Variants in MAST4 observed in about 807,000 individuals in gnomAD.
The protein encoded by MAST4 is microtubule associated serine/threonine kinase family member 4.
In MAST4, 89 loss-of-function variants were observed where a neutral mutation model predicts 162.7. The ratio of observed to expected loss-of-function variants is 0.55; its 90% CI spans 0.46 to 0.65. The LOEUF (loss-of-function observed/expected upper bound fraction) is 0.65, where lower values mean the gene tolerates loss of function less well. Ranked by LOEUF, MAST4 falls within the 30% of genes least tolerant of loss-of-function variation. The pLI, the probability that MAST4 is intolerant of heterozygous loss-of-function variation, is 0.00. For synonymous variants in MAST4, 1,479 were observed against 1,361.1 expected, an observed-to-expected ratio of 1.09 and a Z score of -1.91; for missense variants, 3,153 against 3,374.0, an observed-to-expected ratio of 0.93 and a Z score of 1.62.
intron 1 of MAST4, among the ~76,000 whole-genome samples, chr5:66,624,888 T>C (rs1253147284): frequency 1.3e-5 from 2 of 152,198 alleles, no homozygotes; most frequent in Non-Finnish European, 2.9e-5. Flanking sequence ...AACATAAGAC[T>C]TGCAATTGTA....
At position 67,136,657 on chromosome 5, in the gene MAST4, G is replaced by A. The variant is rs781196155; in HGVS notation, c.2487G>A (p.Leu829=). 3 of 1,595,364 alleles carry A rather than the reference G, an allele frequency of 1.9e-6. No homozygotes were observed. Among genetic ancestry groups the A allele is most frequent in the Non-Finnish European group, 2.6e-6 (3 of 1,170,248 alleles). The change falls in exon 19 of 29, where the codon CTG becomes CTA. Residue 829 remains leucine (L), a synonymous_variant. Transcript: ENST00000403625. The part of the protein sequence containing the change: ...LLLRQNPLER[L]GTGGAYEVKQ... ...TCAGGCAGAATCCCCTGGAGAGGCT[G>A]GGAACAGGTTAGAGCCCATGTGTTT... is the stretch of plus-strand genomic sequence containing the variant.
intron 4 of MAST4, among the ~76,000 whole-genome samples, chr5:66,994,764 AAGG>A (rs2150292993): frequency 6.6e-6 from 1 of 152,352 alleles, no homozygotes; most frequent in East Asian, 1.9e-4. Flanking sequence ...GTTTTGGAGA[AAGG>A]AGGAAGTAAT....
At chr5:67,030,217 A>G (rs962505092) in intron 4 of MAST4, among the ~76,000 whole-genome samples, 5 of 152,194 alleles carry the variant, frequency 3.3e-5, no homozygotes, top group African/African-American at 1.2e-4. Context: ...TTCTCAGGGC[A>G]ATACAACATA....
intron 4 of MAST4, among the ~76,000 whole-genome samples, chr5:66,950,221 ACTTTTTTTTTC>A (rs1268305937): frequency 6.6e-6 from 1 of 151,540 alleles, no homozygotes; most frequent in African/African-American, 2.4e-5. Flanking sequence ...AAACTAGTAT[ACTTTTTTTTTC>A]TTTTTTTTTC....
At chr5:66,946,935 G>A (rs757835490) in intron 4 of MAST4, among the ~76,000 whole-genome samples, 57 of 151,926 alleles carry the variant, frequency 3.8e-4, no homozygotes, top group Admixed American at 3.5e-3. Flanking sequence ...CACTTTAGAC[G>A]TCCACTTTCT....
At chr5:66,846,231 C>G (rs757837722) in intron 3 of MAST4, among the ~76,000 whole-genome samples, 3 of 152,182 alleles carry the variant, frequency 2.0e-5, no homozygotes, top group Non-Finnish European at 4.4e-5. Flanking sequence ...GCCCAACTTA[C>G]AGTTATCATC....
chr5:66,608,929 C>G (rs1281100763), intron 1 of MAST4, among the ~76,000 whole-genome samples: 1 of 151,864 alleles, frequency 6.6e-6, no homozygotes, highest in Non-Finnish European at 1.5e-5. Flanking sequence ...GTGTGGCTAT[C>G]TGTTGAGTTG....
At chr5:66,737,158 G>A (rs1752204769) in intron 1 of MAST4, among the ~76,000 whole-genome samples, 1 of 152,156 alleles carries the variant, frequency 6.6e-6, no homozygotes, top group African/African-American at 2.4e-5. Flanking sequence ...GGTGGCTCTG[G>A]GTAATTCAGG....
At position 67,008,078 on chromosome 5, in the gene MAST4, T is replaced by C. The variant is rs1341700456; in HGVS notation, c.675-46326T>C. Among the ~76,000 whole-genome samples the C allele has an allele frequency of 3.3e-5, 5 of 152,358 alleles. No individual in the cohort carries two copies. The East Asian group carries it at 7.7e-4, about 24-fold the overall frequency. ...CTACTCTGTTGCTGTATAGCTTACA[T>C]GTTCCATTGGAAATAGTTCCTTCTA... On this transcript the variant is annotated intron_variant, in intron 4 of 28. Coordinates refer to ENST00000403625, the MANE Select transcript of MAST4 (RefSeq NM_001164664.2).
At chr5:66,761,326 TTAAGA>T (rs1249057544) in intron 2 of MAST4, among the ~76,000 whole-genome samples, 1 of 152,198 alleles carries the variant, frequency 6.6e-6, no homozygotes, top group Non-Finnish European at 1.5e-5. Flanking sequence ...AATACCCAAA[TTAAGA>T]TAAGTTAAAG....
At chr5:67,130,890 A>C (rs1768890712) in intron 15 of MAST4, among the ~76,000 whole-genome samples, 1 of 152,132 alleles carries the variant, frequency 6.6e-6, no homozygotes. Flanking sequence ...TTTCTTTAAG[A>C]GGTTTATGGA....
At chr5:66,907,160 AGAGAGAGAGAGAG>A (rs1561433681) in intron 4 of MAST4, among the ~76,000 whole-genome samples, 698 of 10,568 alleles carry the variant, frequency 0.066, 22 homozygotes, top group African/African-American at 0.11. Flanking sequence ...CAGCAAAGCG[AGAGAGAGAGAGAG>A]AGAGAGAGAG....
Position 67,061,782 on chromosome 5 carries a change from G to A in MAST4, c.763+7290G>A, listed in dbSNP as rs116637649. On this transcript the variant is annotated intron_variant, in intron 5 of 28. Coordinates refer to ENST00000403625, the MANE Select transcript of MAST4 (RefSeq NM_001164664.2). ...TTCATACTCTTAGTCTGTCAGTATAGGATGATGGTTTTCCTAAGCAGTGAA... is the reference window on the plus strand; with the variant it reads ...TTCATACTCTTAGTCTGTCAGTATAAGATGATGGTTTTCCTAAGCAGTGAA... 2.1e-3 allele frequency among the ~76,000 whole-genome samples: 320 copies of A among 150,548 alleles called. 2 individuals are homozygous for A. The highest frequency in any genetic ancestry group is 7.3e-3 in the African/African-American group (299 of 40,842).
chr5:66,824,067 C>T (rs964868109), intron 3 of MAST4, among the ~76,000 whole-genome samples: 2 of 152,182 alleles, frequency 1.3e-5, no homozygotes, highest in Admixed American at 6.5e-5. Context: ...GATATTCATC[C>T]ACTTGGCCAT....
chr5:67,148,538 C>T (rs1771382824), intron 23 of MAST4, among the ~76,000 whole-genome samples: 1 of 152,092 alleles, frequency 6.6e-6, no homozygotes, highest in African/African-American at 2.4e-5. Context: ...CTCTTACGCT[C>T]CGTTGTTGAG....
chr5:66,705,030 G>A (rs1353699543), intron 1 of MAST4, among the ~76,000 whole-genome samples: 3 of 152,144 alleles, frequency 2.0e-5, no homozygotes, highest in African/African-American at 7.2e-5. Flanking sequence ...TGCCCACCAA[G>A]CCACAGAAAT....
intron 2 of MAST4, among the ~76,000 whole-genome samples, chr5:66,766,473 A>C (rs999342121): frequency 6.6e-5 from 10 of 152,150 alleles, no homozygotes; most frequent in African/African-American, 1.9e-4. Flanking sequence ...TATAGAAATC[A>C]ATTTGGAATA....
intron 1 of MAST4, among the ~76,000 whole-genome samples, chr5:66,624,261 T>G (rs1744277262): frequency 6.8e-6 from 1 of 147,678 alleles, no homozygotes; most frequent in Non-Finnish European, 1.5e-5. Flanking sequence ...CATGCCATTC[T>G]CTTGCCTCAG....
intron 4 of MAST4, among the ~76,000 whole-genome samples, chr5:67,013,437 C>T (rs914194883): frequency 1.3e-5 from 2 of 152,162 alleles, no homozygotes; most frequent in African/African-American, 2.4e-5. Flanking sequence ...GATGGATTTA[C>T]CAGGCCCATT....
Sources: gnomAD v4.1 joint callset for allele counts (sites outside exome capture counted in the v4.1 genomes callset) on GRCh38, gnomAD v4.1.1 for gene constraint, MANE v1.5 for transcripts, NCBI Gene and HGNC (gene_info 2026-07-23, HGNC 2026-07-21) for gene names.